Variants in GALM observed in about 807,000 individuals in gnomAD.
GALM encodes the protein galactose mutarotase.
GALM carries 43 observed loss-of-function variants against 37.4 expected under a neutral mutation model. The observed-to-expected ratio is 1.15, with a 90% CI of 0.90 to 1.48. The LOEUF (loss-of-function observed/expected upper bound fraction) is 1.48, where lower values mean the gene tolerates loss of function less well. GALM is among the 40% of genes most tolerant of loss of function. The pLI, the probability that GALM is intolerant of heterozygous loss-of-function variation, is 0.00. For synonymous variants in GALM, 199 were observed against 170.6 expected (o/e 1.17, Z -1.30); for missense variants, 456 against 419.1 (o/e 1.09, Z -0.77).
intron 2 of GALM, among the ~76,000 whole-genome samples, chr2:38,677,606 C>G (rs998612753): frequency 1.3e-5 from 2 of 152,196 alleles, no homozygotes; most frequent in Non-Finnish European, 2.9e-5. Flanking sequence ...TAGGACAGCA[C>G]CTCGTTCTAG....
intron 4 of GALM, among the ~76,000 whole-genome samples, chr2:38,702,439 T>G (rs1378874079): frequency 2.0e-5 from 3 of 151,886 alleles, no homozygotes; most frequent in Non-Finnish European, 4.4e-5. Context: ...CACCCCACCC[T>G]GCTGTGCATC....
chr2:38,687,577 G>A (rs999050258), intron 3 of GALM, among the ~76,000 whole-genome samples: 1 of 151,918 alleles, frequency 6.6e-6, no homozygotes, highest in African/African-American at 2.4e-5. Flanking sequence ...TAGCATGGTG[G>A]TGGGCACCTG....
intron 4 of GALM, 46 bp downstream of exon 4, chr2:38,689,940 C>A: frequency 9.0e-7 from 1 of 1,110,112 alleles, no homozygotes; most frequent in Non-Finnish European, 1.3e-6. Flanking sequence ...CATGGATTGG[C>A]TCTCGAGGCC....
intron 4 of GALM, among the ~76,000 whole-genome samples, chr2:38,701,877 A>C (rs2148443284): frequency 6.6e-6 from 1 of 152,294 alleles, no homozygotes; most frequent in Non-Finnish European, 1.5e-5. Context: ...CTTTAAATTT[A>C]TTATATAATT....
intron 4 of GALM, among the ~76,000 whole-genome samples, chr2:38,719,374 G>A (rs965204306): frequency 9.9e-5 from 15 of 151,266 alleles, no homozygotes; most frequent in Non-Finnish European, 1.5e-4. Flanking sequence ...GGAGGCTGAG[G>A]CAAATAATTG....
At chr2:38,721,452 C>T (rs887129933) in intron 4 of GALM, among the ~76,000 whole-genome samples, 4 of 152,178 alleles carry the variant, frequency 2.6e-5, no homozygotes, top group African/African-American at 7.2e-5. Flanking sequence ...CTTACTGTCA[C>T]TCTAACATCA....
intron 4 of GALM, among the ~76,000 whole-genome samples, chr2:38,696,915 G>A (rs1665820958): frequency 7.0e-6 from 1 of 142,346 alleles, no homozygotes; most frequent in Non-Finnish European, 1.5e-5. Context: ...TCAGCCTCCC[G>A]AGTAACTAGA....
At chr2:38,676,388 A>G (rs1347069705) in intron 2 of GALM, among the ~76,000 whole-genome samples, 3 of 152,162 alleles carry the variant, frequency 2.0e-5, no homozygotes, top group African/African-American at 7.2e-5. Flanking sequence ...TCTTCCACTT[A>G]TTGGACAAGA....
intron 3 of GALM, among the ~76,000 whole-genome samples, chr2:38,685,754 G>T (rs1665501475): frequency 6.6e-6 from 1 of 151,794 alleles, no homozygotes; most frequent in South Asian, 2.1e-4. Flanking sequence ...GTCTCACTCT[G>T]TCTCCCAGGC....
intron 3 of GALM, among the ~76,000 whole-genome samples, chr2:38,682,482 AT>A (rs1022091104): frequency 6.6e-6 from 1 of 152,026 alleles, no homozygotes; most frequent in African/African-American, 2.4e-5. Context: ...GTTTTCTAGA[AT>A]TTTCCCAAAT....
chr2:38,688,572 A>C (rs1665597217), intron 3 of GALM, among the ~76,000 whole-genome samples: 1 of 152,006 alleles, frequency 6.6e-6, no homozygotes, highest in Non-Finnish European at 1.5e-5. Flanking sequence ...TCCCCAATTG[A>C]GAACCACTAG....
At chr2:38,727,516 C>CAGG (rs1324951613) in intron 4 of GALM, among the ~76,000 whole-genome samples, 1 of 151,946 alleles carries the variant, frequency 6.6e-6, no homozygotes, top group Non-Finnish European at 1.5e-5. Context: ...TTCACGAGGT[C>CAGG]AGGAGTTCGA....
rs1558600637 is a variant in GALM, at chr2:38,733,530, G to A, written c.994G>A (p.Asp332Asn). 2 of 1,613,978 alleles carry A rather than the reference G, an allele frequency of 1.2e-6. No individual in the cohort carries two copies. Among genetic ancestry groups the A allele is most frequent in the Non-Finnish European group, 8.5e-7 (1 of 1,179,910 alleles). ...GCTGCTGAGGCCTGGTGAGGAGTAT[G>A]ACCACACCACCTGGTTCAAGTTTTC... ...PVLLRPGEEY[D>N]HTTWFKFSVA Residue 332 changes from aspartate (D) to asparagine (N), a missense_variant, in exon 7 of 7, where the codon GAC becomes AAC. Transcript: ENST00000272252.
intron 4 of GALM, among the ~76,000 whole-genome samples, chr2:38,722,030 T>TTCCCCCCCCCCCCCCC (rs1666385953): frequency 2.4e-5 from 1 of 41,386 alleles, no homozygotes; most frequent in Non-Finnish European, 4.1e-5. Context: ...TGCCTTCCCT[T>TTCCCCCCCCCCCCCCC]CCCCCCCCCA....
At chr2:38,695,844 G>A (rs761805864) in intron 4 of GALM, among the ~76,000 whole-genome samples, 2 of 151,730 alleles carry the variant, frequency 1.3e-5, no homozygotes, top group Admixed American at 6.6e-5. Context: ...CTACAGGCGC[G>A]CATGCCACCA....
At chr2:38,690,918 G>A (rs1558584133) in intron 4 of GALM, among the ~76,000 whole-genome samples, 1 of 152,186 alleles carries the variant, frequency 6.6e-6, no homozygotes, top group Admixed American at 6.5e-5. Context: ...GCTCAATGGG[G>A]TCAAATTTTT....
chr2:38,704,666 T>C (rs527862774), intron 4 of GALM, among the ~76,000 whole-genome samples: 1 of 151,262 alleles, frequency 6.6e-6, no homozygotes, highest in East Asian at 1.9e-4. Context: ...GGCAAGACTC[T>C]GTCTCCATTA....
At chr2:38,670,927 G>A (rs1007764742) in intron 1 of GALM, among the ~76,000 whole-genome samples, 13 of 152,156 alleles carry the variant, frequency 8.5e-5, no homozygotes, top group African/African-American at 3.1e-4. Flanking sequence ...AGAGTGGTGA[G>A]TAATTTTATT....
intron 4 of GALM, among the ~76,000 whole-genome samples, chr2:38,701,403 A>G (rs1457774216): frequency 6.6e-6 from 1 of 152,246 alleles, no homozygotes; most frequent in Non-Finnish European, 1.5e-5. Context: ...TAAGAAAGCA[A>G]AAATGAGTGC....
Sources: allele counts gnomAD v4.1 joint callset (sites outside exome capture counted in the v4.1 genomes callset), GRCh38; gene constraint gnomAD v4.1.1; transcripts MANE v1.5; gene names NCBI Gene and HGNC (gene_info 2026-07-23, HGNC 2026-07-21).